The following RICTOR variants were observed in gnomAD, a reference collection of about 807,000 sequenced individuals.
RICTOR encodes the protein RPTOR independent companion of MTOR complex 2, also known as rapamycin-insensitive companion of mTOR.
Under a neutral mutation model 214.9 loss-of-function variants are expected in RICTOR, and 49 were observed. The observed-to-expected ratio is 0.23, with a 90% CI of 0.18 to 0.29. The LOEUF (loss-of-function observed/expected upper bound fraction) is 0.29, where lower values mean the gene tolerates loss of function less well. RICTOR is among the 10% of genes least tolerant of loss of function. The probability of loss-of-function intolerance (pLI) is 1.00; values close to 1 mark genes in which losing one functional copy is unlikely to be tolerated. For synonymous variants in RICTOR, 717 were observed against 711.3 expected, an observed-to-expected ratio of 1.01 and a Z score of -0.13; for missense variants, 1,625 against 2,047.0, an observed-to-expected ratio of 0.79 and a Z score of 3.98.
rs998235018 is a variant in RICTOR, at chr5:38,957,710, C to T, written c.2441G>A (p.Gly814Glu). 3 of 1,588,478 alleles carry T rather than the reference C, an allele frequency of 1.9e-6. No individual in the cohort carries two copies. The highest frequency in any genetic ancestry group is 2.7e-5 in the African/African-American group (2 of 73,948). The change falls in exon 25 of 38, where the codon GGA becomes GAA. Residue 814 changes from glycine (G) to glutamate (E), a missense_variant. By Grantham distance (98) the Gly-to-Glu change is moderately conservative. Transcript: ENST00000357387. ...ACCTCTTTCATTCAGATAGGAAAAT[C>T]CTTTTGGAATGGAGAGAAATCTGCA... Reference protein sequence around the residue: ...LLLRFLSIPKGFSYLNERGYV... With the variant: ...LLLRFLSIPKEFSYLNERGYV...
At chr5:38,953,943 T>C (rs1043008842) in intron 27 of RICTOR, among the ~76,000 whole-genome samples, 2 of 151,900 alleles carry the variant, frequency 1.3e-5, no homozygotes, top group African/African-American at 4.8e-5. Flanking sequence ...AGAAAGTAAA[T>C]TAGTGCTTAG....
rs761823576 is a variant in RICTOR at position 38,950,694 on chromosome 5, A to T, written c.3154T>A (p.Phe1052Ile). Residue 1052 changes from phenylalanine to isoleucine, a missense_variant, in exon 31 of 38, where the codon TTT becomes ATT. This residue lies in a region of RICTOR where 1,214 missense variants were observed against 1,470.5 expected (regional missense o/e 0.83). Transcript: ENST00000357387. ...SSMFILEDDR[F>I]GSSSTSTFFL... ...AATGTGCTAGTAGAGCTGCTGCCAA[A>T]CCGGTCATCCTCCAATATGAACATA... 1 of 1,600,880 alleles carries T rather than the reference A, an allele frequency of 6.2e-7. No individual in the cohort carries two copies. The highest frequency in any genetic ancestry group is 1.1e-5 in the South Asian group (1 of 88,902).
intron 35 of RICTOR, 66 bp from the exon 36 acceptor site, chr5:38,944,635 A>G: frequency 7.2e-7 from 1 of 1,382,992 alleles, no homozygotes; most frequent in Non-Finnish European, 9.9e-7. Flanking sequence ...AAACTCATGA[A>G]ATTTATTTTT....
intron 6 of RICTOR, among the ~76,000 whole-genome samples, chr5:38,994,002 GA>G (rs1461550129): frequency 1.3e-5 from 2 of 152,106 alleles, no homozygotes; most frequent in African/African-American, 2.4e-5. Flanking sequence ...TTAACACGGT[GA>G]AACCGCGTCT....
chr5:39,066,670 G>A (rs1404295548), intron 2 of RICTOR, among the ~76,000 whole-genome samples: 1 of 152,154 alleles, frequency 6.6e-6, no homozygotes, highest in African/African-American at 2.4e-5. Flanking sequence ...ATCTTAGCAT[G>A]GGCTGTTAGC....
chr5:39,009,889 T>C (rs1333399698), intron 3 of RICTOR, among the ~76,000 whole-genome samples: 1 of 152,168 alleles, frequency 6.6e-6, no homozygotes, highest in African/African-American at 2.4e-5. Flanking sequence ...AGAATGACTT[T>C]GATACAAACT....
rs199955000 is a variant in RICTOR at position 38,940,263 on chromosome 5, C to CA, written c.*2040dup. The CA allele has an allele frequency of 5.5e-3, 1,156 of 210,700 alleles. 10 individuals are homozygous for CA. The highest frequency in any genetic ancestry group is 0.018 in the African/African-American group (752 of 42,162). The allele number at this position is 210,700 out of a possible 1,614,324, so 13.1% of individuals were successfully genotyped here. ...GGAGGGGGTGTGTGTGTGTGTAAGACAAAAAAAAAATTACTGTTAACTTTT... is the reference window on the plus strand; with the variant it reads ...GGAGGGGGTGTGTGTGTGTGTAAGACAAAAAAAAAAATTACTGTTAACTTTT... On this transcript the variant is annotated 3_prime_UTR_variant, in exon 38 of 38. Transcript: ENST00000357387.
chr5:39,040,869 A>G (rs926143971), intron 2 of RICTOR, among the ~76,000 whole-genome samples: 1 of 152,230 alleles, frequency 6.6e-6, no homozygotes, highest in African/African-American at 2.4e-5. Flanking sequence ...TAATAAATAT[A>G]TGATCTCATT....
chr5:38,955,762 A>C, intron 25 of RICTOR, 58 bp from the exon 26 acceptor site: 1 of 917,460 alleles, frequency 1.1e-6, no homozygotes, highest in Non-Finnish European at 1.8e-6. Context: ...CTAAATTTAA[A>C]ATATGTCAGA....
chr5:39,021,922 A>G (rs1755450566), intron 2 of RICTOR, among the ~76,000 whole-genome samples: 1 of 152,192 alleles, frequency 6.6e-6, no homozygotes, highest in African/African-American at 2.4e-5. Flanking sequence ...CCAAAAAATT[A>G]GATAAAATAT....
At chr5:38,966,750 T>C in intron 14 of RICTOR, 29 bp from the exon 15 acceptor site, 1 of 1,215,434 alleles carries the variant, frequency 8.2e-7, no homozygotes, top group Non-Finnish European at 1.2e-6. Context: ...AACACCACTG[T>C]TGCAAAATAA....
rs140791918 is a variant in RICTOR, at chr5:39,022,154, A to T, written c.98-1018T>A. 4.1e-3 allele frequency among the ~76,000 whole-genome samples: 632 copies of T among 152,318 alleles called. 4 individuals are homozygous for T. The highest frequency in any genetic ancestry group is 0.014 in the African/African-American group (576 of 41,562). On this transcript the variant is annotated intron_variant, in intron 2 of 37. Coordinates refer to ENST00000357387, the MANE Select transcript of RICTOR (RefSeq NM_152756.5). ...TATAGGCTAATGTAAGTGTTCTGAG[A>T]ATGTTTAAGGTAGGCTAGGCTAAAC...
At chr5:38,982,182 G>A in intron 7 of RICTOR, 146 bp from the exon 8 acceptor site, 1 of 596,658 alleles carries the variant, frequency 1.7e-6, no homozygotes. Context: ...AAGGACAAGT[G>A]GAAAATGTAA....
intron 2 of RICTOR, among the ~76,000 whole-genome samples, chr5:39,056,409 T>C (rs1478535963): frequency 6.6e-6 from 1 of 152,062 alleles, no homozygotes; most frequent in Non-Finnish European, 1.5e-5. Flanking sequence ...CCAAGACAGA[T>C]GGATCGCTTG....
intron 2 of RICTOR, among the ~76,000 whole-genome samples, chr5:39,039,450 G>A (rs1253301588): frequency 1.3e-5 from 2 of 152,086 alleles, no homozygotes; most frequent in African/African-American, 4.8e-5. Context: ...GGCAACAAAA[G>A]CCAAAATTGA....
At chr5:38,981,712 A>T in intron 8 of RICTOR, 155 bp downstream of exon 8, 1 of 517,208 alleles carries the variant, frequency 1.9e-6, no homozygotes, top group East Asian at 3.0e-5. Context: ...TCCAAACTGA[A>T]TGATCTGTAA....
Position 39,002,818 on chromosome 5 carries a change from C to T in RICTOR, c.261-152G>A, listed in dbSNP as rs1484245763. On this transcript the variant is annotated intron_variant, in intron 4 of 37. Coordinates refer to ENST00000357387, the MANE Select transcript of RICTOR (RefSeq NM_152756.5). Reference sequence around the variant, plus strand: ...ATTCTACATATATAAAAATTACTCACTCCAAGCCACACAATTTCACTTAGT... The same window carrying T: ...ATTCTACATATATAAAAATTACTCATTCCAAGCCACACAATTTCACTTAGT... 3 of 668,190 alleles carry T rather than the reference C, an allele frequency of 4.5e-6. No individual in the cohort carries two copies. The African/African-American group carries it at 5.6e-5, about 12-fold the overall frequency. 41.4% of individuals were successfully genotyped at this position (668,190 alleles called of 1,614,324 possible). A position where few individuals can be genotyped will look rare whatever the true frequency, so the allele number is the denominator to read the frequency against.
At chr5:39,060,206 T>C (rs534811362) in intron 2 of RICTOR, among the ~76,000 whole-genome samples, 1 of 152,214 alleles carries the variant, frequency 6.6e-6, no homozygotes, top group East Asian at 1.9e-4. Flanking sequence ...AATTACCTAT[T>C]TGGAAAACCT....
At chr5:39,044,047 A>G (rs1281739675) in intron 2 of RICTOR, among the ~76,000 whole-genome samples, 1 of 152,200 alleles carries the variant, frequency 6.6e-6, no homozygotes, top group Non-Finnish European at 1.5e-5. Context: ...GATTTACTAA[A>G]TACCCTGATT....
Sources: allele counts gnomAD v4.1 joint callset (sites outside exome capture counted in the v4.1 genomes callset), GRCh38; gene constraint gnomAD v4.1.1; regional missense constraint gnomAD v4.1.1; transcripts MANE v1.5; gene names NCBI Gene and HGNC (gene_info 2026-07-23, HGNC 2026-07-21).